TENM3: variants seen among roughly 807,000 people sequenced by gnomAD.
The protein encoded by TENM3 is teneurin transmembrane protein 3, also known as teneurin-3.
TENM3 carries 63 observed loss-of-function variants against 255.1 expected under a neutral mutation model. The ratio of observed to expected loss-of-function variants is 0.25; its 90% CI spans 0.20 to 0.30. TENM3 has a LOEUF of 0.30. Among genes scored for constraint, TENM3 ranks in the 10% least tolerant of loss-of-function variants. The pLI, the probability that TENM3 is intolerant of heterozygous loss-of-function variation, is 1.00. For missense variants in TENM3, 2,929 were observed against 3,461.1 expected (o/e 0.85, Z 3.86); for synonymous variants, 1,306 against 1,322.3 (o/e 0.99, Z 0.27).
In TENM3 at chr4:182,688,235, G is replaced by T; in HGVS notation, c.2105G>T (p.Trp702Leu). The change falls in exon 12 of 28, where the codon TGG becomes TTG. Residue 702 changes from tryptophan (W) to leucine (L), a missense_variant. By Grantham distance (61) the Trp-to-Leu change is moderately conservative. Around this residue, in one of 6 missense-constraint regions of TENM3, gnomAD observed 1,608 missense variants for 1,884.4 expected, o/e 0.85. Transcript: ENST00000511685. ...MGGTCRCEEGWTGPACNQRAC... is the reference protein window; with the variant it reads ...MGGTCRCEEGLTGPACNQRAC... ...GGGACGTGTCGCTGTGAAGAAGGCT[G>T]GACGGGCCCAGCCTGTAATCAGAGA... 1 of 1,613,940 alleles carries T rather than the reference G, an allele frequency of 6.2e-7. No individual in the cohort carries two copies.
At chr4:181,587,297 T>C in the TENM3 span, among the ~76,000 whole-genome samples, 1 of 152,130 alleles carries the variant, frequency 6.6e-6, no homozygotes, top group Non-Finnish European at 1.5e-5. Context: ...CTTTTAGCCA[T>C]TGAATCAATC....
the TENM3 span, among the ~76,000 whole-genome samples, chr4:182,012,463 T>C: frequency 6.6e-6 from 1 of 152,176 alleles, no homozygotes; most frequent in African/African-American, 2.4e-5. Flanking sequence ...ACCAAAGGGA[T>C]GGACGTAAAG....
At chr4:182,137,137 A>C in the TENM3 span, among the ~76,000 whole-genome samples, 1 of 152,218 alleles carries the variant, frequency 6.6e-6, no homozygotes, top group South Asian at 2.1e-4. Context: ...AGTTTTCTAC[A>C]CAACTTACAC....
chr4:181,461,023 G>A, the TENM3 span, among the ~76,000 whole-genome samples: 2 of 151,978 alleles, frequency 1.3e-5, no homozygotes, highest in South Asian at 4.2e-4. Flanking sequence ...TGCTTGATAA[G>A]CATCTTTTAA....
chr4:181,808,202 T>C, the TENM3 span, among the ~76,000 whole-genome samples: 2 of 152,228 alleles, frequency 1.3e-5, no homozygotes, highest in Non-Finnish European at 2.9e-5. Context: ...GCGGATGTCA[T>C]GCCACCTACA....
chr4:182,344,992 C>A (rs528209009), intron 2 of TENM3, among the ~76,000 whole-genome samples: 35 of 152,292 alleles, frequency 2.3e-4, no homozygotes, highest in African/African-American at 7.9e-4. Context: ...AACGCACAGG[C>A]GCTTTTTCCT....
intron 1 of TENM3, among the ~76,000 whole-genome samples, chr4:182,303,888 T>G (rs1390395490): frequency 6.6e-6 from 1 of 152,254 alleles, no homozygotes; most frequent in Non-Finnish European, 1.5e-5. Flanking sequence ...AATGGTTTAA[T>G]TTTTAATTCG....
intron 3 of TENM3, among the ~76,000 whole-genome samples, chr4:182,499,346 C>T (rs1465180250): frequency 6.6e-6 from 1 of 152,196 alleles, no homozygotes; most frequent in East Asian, 1.9e-4. Context: ...GTTGGTCCCA[C>T]TTTGCAGATG....
At chr4:181,634,390 T>C in the TENM3 span, among the ~76,000 whole-genome samples, 2 of 150,148 alleles carry the variant, frequency 1.3e-5, no homozygotes, top group South Asian at 4.2e-4. Context: ...AATTCTTTTT[T>C]TTTTTTTTTT....
chr4:182,123,920 G>A, the TENM3 span, among the ~76,000 whole-genome samples: 1 of 152,194 alleles, frequency 6.6e-6, no homozygotes, highest in Non-Finnish European at 1.5e-5. Flanking sequence ...AGACCACCAA[G>A]GGTTTTGTCT....
chr4:181,508,502 G>A, the TENM3 span, among the ~76,000 whole-genome samples: 1 of 152,164 alleles, frequency 6.6e-6, no homozygotes, highest in Non-Finnish European at 1.5e-5. Context: ...GGATTCTGGG[G>A]AAAGAAATGA....
At chr4:182,362,361 G>C (rs1364841862) in intron 3 of TENM3, among the ~76,000 whole-genome samples, 1 of 71,390 alleles carries the variant, frequency 1.4e-5, no homozygotes, top group Admixed American at 1.7e-4. Context: ...CTTGAGCTGT[G>C]GTGGGCTCTA....
At chr4:181,851,840 C>T in the TENM3 span, among the ~76,000 whole-genome samples, 3 of 152,090 alleles carry the variant, frequency 2.0e-5, no homozygotes, top group Non-Finnish European at 4.4e-5. Context: ...CCTATAAGTA[C>T]ATAAAATACA....
chr4:182,353,307 T>C (rs946452232), intron 3 of TENM3, among the ~76,000 whole-genome samples: 15 of 152,218 alleles, frequency 9.9e-5, no homozygotes, highest in Admixed American at 5.2e-4. Context: ...GTTTCTATTA[T>C]ACATACTAAA....
the TENM3 span, among the ~76,000 whole-genome samples, chr4:182,130,971 CAGG>C: frequency 6.6e-6 from 1 of 151,978 alleles, no homozygotes; most frequent in Non-Finnish European, 1.5e-5. Context: ...GATTTAACCC[CAGG>C]ATGACATGAA....
chr4:182,176,821 A>AATTTTTTTTTT (rs1561169609), intron 1 of TENM3, among the ~76,000 whole-genome samples: 10 of 113,358 alleles, frequency 8.8e-5, no homozygotes, highest in Non-Finnish European at 5.3e-5. Context: ...CATCCGGCTA[A>AATTTTTTTTTT]TTTTTTTTTT....
Position 182,752,063 on chromosome 4 carries a change from TTTTA to T in TENM3, c.3862+38_3862+41del, listed in dbSNP as rs780833206. On this transcript the variant is annotated intron_variant, in intron 20 of 27. Transcript: ENST00000511685. ...GGCAGTTGGCGATTTGAGGATTTCTTTTTATTTATTAAAAAAAAAAAAAAAGGGG... is the reference window on the plus strand; with the variant it reads ...GGCAGTTGGCGATTTGAGGATTTCTTTTTATTAAAAAAAAAAAAAAAGGGG... 5.4e-6 allele frequency: 7 copies of T among 1,306,624 alleles called. No homozygotes were observed. The Admixed American group carries it at 1.3e-4, about 25-fold the overall frequency. The allele number at this position is 1,306,624 out of a possible 1,614,324, so 80.9% of individuals were successfully genotyped here.
intron 1 of TENM3, among the ~76,000 whole-genome samples, chr4:182,251,344 C>T (rs1184385256): frequency 1.3e-5 from 2 of 151,960 alleles, no homozygotes; most frequent in Admixed American, 6.6e-5. Context: ...GGCATGTGCC[C>T]GTAGTCCTGG....
At chr4:182,617,287 GTTATATA>G (rs1490040396) in intron 4 of TENM3, among the ~76,000 whole-genome samples, 1 of 152,114 alleles carries the variant, frequency 6.6e-6, no homozygotes, top group Non-Finnish European at 1.5e-5. Context: ...ACAATTCAGT[GTTATATA>G]TTTTAACAGT....
Sources: allele counts gnomAD v4.1 joint callset (sites outside exome capture counted in the v4.1 genomes callset), GRCh38; gene constraint gnomAD v4.1.1; regional missense constraint gnomAD v4.1.1; transcripts MANE v1.5; gene names NCBI Gene and HGNC (gene_info 2026-07-23, HGNC 2026-07-21).